The following CAMTA1 variants were observed in gnomAD, a reference collection of about 807,000 sequenced individuals.
The protein encoded by CAMTA1 is calmodulin-binding transcription activator 1.
A neutral mutation model predicts 170.9 loss-of-function variants in CAMTA1; 27 were observed. The ratio of observed to expected loss-of-function variants is 0.16; its 90% CI spans 0.12 to 0.22. CAMTA1 has a LOEUF of 0.22. Ranked by LOEUF, CAMTA1 falls within the 10% of genes least tolerant of loss-of-function variation. The pLI is 1.00. For missense variants in CAMTA1, 1,619 were observed against 2,217.2 expected (o/e 0.73, Z 5.42); for synonymous variants, 833 against 891.5 (o/e 0.93, Z 1.17).
intron 11 of CAMTA1, among the ~76,000 whole-genome samples, chr1:7,702,993 G>C (rs1184385869): frequency 6.6e-6 from 1 of 152,162 alleles, no homozygotes; most frequent in Non-Finnish European, 1.5e-5. Context: ...ACAGACAGTG[G>C]AGCACACAGC....
At chr1:7,544,256 A>G (rs988347970) in intron 6 of CAMTA1, among the ~76,000 whole-genome samples, 1 of 152,182 alleles carries the variant, frequency 6.6e-6, no homozygotes, top group Non-Finnish European at 1.5e-5. Flanking sequence ...TGATAAACCT[A>G]TCAGATTTCA....
chr1:7,007,320 T>G lies in CAMTA1; in HGVS notation c.235-83984T>G, dbSNP rs76414425. Among the ~76,000 whole-genome samples the G allele has an allele frequency of 0.019, 2,903 of 152,144 alleles. 36 individuals are homozygous for G. Among genetic ancestry groups the G allele is most frequent in the Middle Eastern group, 0.041 (12 of 294 alleles). On this transcript the variant is annotated intron_variant, in intron 3 of 22. Transcript: ENST00000303635. The surrounding 1 kb of genome is among the most constrained non-coding windows in gnomAD (Gnocchi z 4.5). ...AAAGCTGAGGCCAGATAGAGGAGAC[T>G]TGGAAGTGAGGGACCCGAAAATGGG...
chr1:7,420,583 C>A (rs1250983344), intron 5 of CAMTA1, among the ~76,000 whole-genome samples: 1 of 150,378 alleles, frequency 6.6e-6, no homozygotes, highest in Non-Finnish European at 1.5e-5. Flanking sequence ...TCCCACCGAG[C>A]CCCCACCAGC....
At chr1:7,261,704 T>G (rs1668198096) in intron 5 of CAMTA1, among the ~76,000 whole-genome samples, 1 of 152,340 alleles carries the variant, frequency 6.6e-6, no homozygotes, top group East Asian at 1.9e-4. Flanking sequence ...ATCCGGCATG[T>G]GGCGCCCCAG....
At chr1:7,283,455 C>G (rs1671801546) in intron 5 of CAMTA1, among the ~76,000 whole-genome samples, 1 of 152,210 alleles carries the variant, frequency 6.6e-6, no homozygotes. Flanking sequence ...GTGACTCACA[C>G]TGCTCTATTT....
chr1:7,536,752 C>T (rs979483963), intron 6 of CAMTA1, among the ~76,000 whole-genome samples: 2 of 152,174 alleles, frequency 1.3e-5, no homozygotes, highest in Admixed American at 6.5e-5. Flanking sequence ...ATAGCAGATC[C>T]GACCAAGGCC....
chr1:7,151,735 G>A (rs1434947396), intron 4 of CAMTA1, among the ~76,000 whole-genome samples: 1 of 152,180 alleles, frequency 6.6e-6, no homozygotes, highest in Non-Finnish European at 1.5e-5. Context: ...GGCTGCTGGT[G>A]CTCCTGGTGA....
At position 7,685,449 on chromosome 1, in the gene CAMTA1, G is replaced by A. The variant is rs928145158; in HGVS notation, c.2914+7716G>A. On this transcript the variant is annotated intron_variant, in intron 11 of 22. Coordinates refer to ENST00000303635, the MANE Select transcript of CAMTA1 (RefSeq NM_015215.4). The surrounding 1 kb of genome is among the most constrained non-coding windows in gnomAD (Gnocchi z 5.7). ...CACAGCACATCCCTGTGGACCCCAC[G>A]GCCTGATTGTCTTCATTCCACTTGA... 1.2e-4 allele frequency among the ~76,000 whole-genome samples: 19 copies of A among 152,084 alleles called. No individual in the cohort carries two copies. Among genetic ancestry groups the A allele is most frequent in the Non-Finnish European group, 2.5e-4 (17 of 68,016 alleles).
At chr1:7,657,549 T>C (rs2095915179) in intron 7 of CAMTA1, among the ~76,000 whole-genome samples, 1 of 152,220 alleles carries the variant, frequency 6.6e-6, no homozygotes, top group Non-Finnish European at 1.5e-5. Context: ...GTTTCCCTTT[T>C]GCTGCTTTAA....
At chr1:7,099,936 C>T (rs979043774) in intron 4 of CAMTA1, among the ~76,000 whole-genome samples, 10 of 152,244 alleles carry the variant, frequency 6.6e-5, no homozygotes, top group African/African-American at 1.9e-4. Flanking sequence ...TCCACCTCTT[C>T]AGAGAATCAA....
intron 6 of CAMTA1, among the ~76,000 whole-genome samples, chr1:7,552,067 G>C (rs2094810299): frequency 6.6e-6 from 1 of 152,240 alleles, no homozygotes; most frequent in Non-Finnish European, 1.5e-5. Context: ...AGGTCACACA[G>C]TGGGAGACGG....
At chr1:7,276,291 ATATATATATATAT>A (rs1257115993) in intron 5 of CAMTA1, among the ~76,000 whole-genome samples, 4 of 51,310 alleles carry the variant, frequency 7.8e-5, no homozygotes, top group Non-Finnish European at 1.2e-4. Flanking sequence ...ATATATATAT[ATATATATATATAT>A]TTTTTTTTTT....
chr1:7,061,879 C>G (rs1450375671), intron 3 of CAMTA1, among the ~76,000 whole-genome samples: 1 of 152,048 alleles, frequency 6.6e-6, no homozygotes, highest in Non-Finnish European at 1.5e-5. Context: ...GAAGAGTGAG[C>G]AGAGGGCTTT....
chr1:7,118,532 T>C (rs1367142619), intron 4 of CAMTA1, among the ~76,000 whole-genome samples: 1 of 150,794 alleles, frequency 6.6e-6, no homozygotes, highest in African/African-American at 2.4e-5. Context: ...CCCACAAGAG[T>C]GGGATGGCTG....
At chr1:7,330,460 G>A (rs963308197) in intron 5 of CAMTA1, among the ~76,000 whole-genome samples, 12 of 152,082 alleles carry the variant, frequency 7.9e-5, no homozygotes, top group Non-Finnish European at 1.5e-4. Context: ...TGGAGTGTAC[G>A]CCCCCTTCTG....
chr1:6,977,297 G>A (rs1693614629), intron 3 of CAMTA1, among the ~76,000 whole-genome samples: 1 of 152,058 alleles, frequency 6.6e-6, no homozygotes. Context: ...CTCGGTGCCA[G>A]TGGGGTTATG....
chr1:7,044,791 C>G lies in CAMTA1; in HGVS notation c.235-46513C>G, dbSNP rs1013773501. Among the ~76,000 whole-genome samples the G allele has an allele frequency of 6.0e-5, 9 of 151,258 alleles. No individual in the cohort carries two copies. Among genetic ancestry groups the G allele is most frequent in the Admixed American group, 4.6e-4 (7 of 15,190 alleles). On this transcript the variant is annotated intron_variant, in intron 3 of 22. Transcript: ENST00000303635. This position sits in a 1 kb window ranked among gnomAD's most constrained non-coding sequence, Gnocchi z 5.0. Reference sequence around the variant, plus strand: ...CCCCCTGCCTGGCGCATCTTTCCCCCTCACGTCCTCTCCCCCACTCCCTCC... The same window carrying G: ...CCCCCTGCCTGGCGCATCTTTCCCCGTCACGTCCTCTCCCCCACTCCCTCC...
rs564197739 is a variant in CAMTA1 at position 7,652,755 on chromosome 1, T to C, written c.665-8971T>C. Among the ~76,000 whole-genome samples, 52 of 152,242 alleles carry C rather than the reference T, an allele frequency of 3.4e-4. No individual in the cohort carries two copies. The South Asian group carries it at 0.011, about 31-fold the overall frequency. On this transcript the variant is annotated intron_variant, in intron 7 of 22. Transcript: ENST00000303635. ...CCTCTACCTCCAGATGGGGTCGCTTTTCTCCTCTGCCCACCACCGAGCTGC... is the reference window on the plus strand; with the variant it reads ...CCTCTACCTCCAGATGGGGTCGCTTCTCTCCTCTGCCCACCACCGAGCTGC...
intron 5 of CAMTA1, among the ~76,000 whole-genome samples, chr1:7,343,643 A>G (rs2084004608): frequency 6.6e-6 from 1 of 152,046 alleles, no homozygotes; most frequent in African/African-American, 2.4e-5. Flanking sequence ...TCCCTCCCCG[A>G]CCTTCCCACC....
Sources: gnomAD v4.1 joint callset for allele counts (sites outside exome capture counted in the v4.1 genomes callset) on GRCh38, gnomAD v4.1.1 for gene constraint, Gnocchi (gnomAD v3.1) non-coding constraint, MANE v1.5 for transcripts, NCBI Gene and HGNC (gene_info 2026-07-23, HGNC 2026-07-21) for gene names.